IARS1: variants seen among roughly 807,000 people sequenced by gnomAD.
IARS1 encodes the protein isoleucyl-tRNA synthetase 1.
Under a neutral mutation model 168.2 loss-of-function variants are expected in IARS1, and 124 were observed. The observed-to-expected ratio is 0.74, with a 90% confidence interval of 0.64 to 0.86. IARS1 has a LOEUF of 0.86. Among genes scored for constraint, IARS1 ranks in the 40% least tolerant of loss-of-function variants. The pLI is 0.00. For missense variants in IARS1, 1,452 were observed against 1,515.8 expected (o/e 0.96, Z 0.70); for synonymous variants, 532 against 529.4 (o/e 1.00, Z -0.07).
At chr9:92,280,191 T>C (rs951913143) in intron 7 of IARS1, among the ~76,000 whole-genome samples, 12 of 152,222 alleles carry the variant, frequency 7.9e-5, no homozygotes, top group African/African-American at 2.7e-4. Flanking sequence ...GTCATCTCAT[T>C]CAGCTTTTTG....
intron 33 of IARS1, among the ~76,000 whole-genome samples, chr9:92,218,240 ACT>A (rs1208697032): frequency 1.2e-4 from 17 of 142,328 alleles, no homozygotes; most frequent in Admixed American, 2.9e-4. Flanking sequence ...CATGCTAAAA[ACT>A]CTCAATAAAT....
chr9:92,289,544 T>C, intron 1 of IARS1, 118 bp from the exon 2 acceptor site: 3 of 642,374 alleles, frequency 4.7e-6, no homozygotes, highest in Non-Finnish European at 2.8e-6. Context: ...TACAGCTTTA[T>C]TGATGTACAA....
chr9:92,229,175 A>T (rs1257361677), intron 30 of IARS1, 49 bp from the exon 31 acceptor site: 1 of 1,588,432 alleles, frequency 6.3e-7, no homozygotes, highest in Non-Finnish European at 8.6e-7. Context: ...AAAACTAAAA[A>T]GAAAATGTTA....
rs146666049 is a variant in IARS1, at chr9:92,286,586, G to A, written c.429C>T (p.Asp143=). Residue 143 remains aspartate (D), a synonymous_variant, in exon 5 of 34, where the codon GAC becomes GAT. Transcript: ENST00000443024. ...ACAGAGTTTTATAGTCATTGTCAAAGTCAATCCATCGGCCAAGTCTGCTAA... is the reference window on the plus strand; with the variant it reads ...ACAGAGTTTTATAGTCATTGTCAAAATCAATCCATCGGCCAAGTCTGCTAA... ...STVSRLGRWI[D]FDNDYKTLYP... 1.2e-3 allele frequency: 1,988 copies of A among 1,598,184 alleles called. 6 individuals carry two copies. Among genetic ancestry groups the A allele is most frequent in the Non-Finnish European group, 1.5e-3 (1,713 of 1,165,684 alleles).
In IARS1 at chr9:92,247,518, C is replaced by T; in HGVS notation, c.2650G>A (p.Asp884Asn). ...AGCCGAATGCCATACTTGTTTTTAT[C>T]TGTAGACAGTGTAACTTTTCGAACA... ...LNVRKVTLST[D>N]KNKYGIRLRA... The change falls in exon 26 of 34, where the codon GAT becomes AAT. Residue 884 changes from aspartate (D) to asparagine (N), a missense_variant. Coordinates refer to ENST00000443024, the MANE Select transcript of IARS1 (RefSeq NM_002161.6). 1 of 1,614,084 alleles carries T rather than the reference C, an allele frequency of 6.2e-7. No homozygotes were observed. The highest frequency in any genetic ancestry group is 8.5e-7 in the Non-Finnish European group (1 of 1,180,016).
At chr9:92,284,483 T>A (rs761254467) in intron 6 of IARS1, among the ~76,000 whole-genome samples, 6 of 152,192 alleles carry the variant, frequency 3.9e-5, no homozygotes, top group Non-Finnish European at 7.3e-5. Context: ...CACATTCAAG[T>A]GTTTTAAAAA....
intron 17 of IARS1, among the ~76,000 whole-genome samples, chr9:92,262,704 T>C (rs1310572426): frequency 2.6e-5 from 4 of 152,204 alleles, no homozygotes; most frequent in Non-Finnish European, 4.4e-5. Flanking sequence ...TAAGCAAAAG[T>C]ATTTCATAAA....
intron 16 of IARS1, among the ~76,000 whole-genome samples, chr9:92,264,374 A>G (rs1001516084): frequency 2.0e-5 from 3 of 151,952 alleles, no homozygotes; most frequent in Non-Finnish European, 4.4e-5. Flanking sequence ...CTGGGCCAGC[A>G]AAGCCAATCC....
At chr9:92,284,693 G>A (rs564080280) in intron 6 of IARS1, among the ~76,000 whole-genome samples, 2 of 151,850 alleles carry the variant, frequency 1.3e-5, no homozygotes, top group East Asian at 1.9e-4. Context: ...TGCTTGAATC[G>A]GGTAGGTGGA....
chr9:92,242,475 G>T (rs764351571), intron 28 of IARS1, 145 bp from the exon 29 acceptor site: 18 of 627,732 alleles, frequency 2.9e-5, no homozygotes, highest in Middle Eastern at 4.3e-4. Flanking sequence ...TGGGTGATCC[G>T]TAAGACTAAC....
intron 9 of IARS1, among the ~76,000 whole-genome samples, chr9:92,275,000 A>G (rs748882166): frequency 1.3e-5 from 2 of 152,226 alleles, no homozygotes; most frequent in African/African-American, 2.4e-5. Context: ...AGTAAGTTCT[A>G]CTTACAGGTA....
intron 8 of IARS1, 43 bp from the exon 9 acceptor site, chr9:92,277,966 AAT>A (rs762083398): frequency 5.1e-6 from 8 of 1,568,694 alleles, no homozygotes; most frequent in African/African-American, 1.4e-5. Flanking sequence ...ATTAAAATCA[AAT>A]ATGAGGCTGC....
chr9:92,280,502 A>G (rs997413873), intron 7 of IARS1, among the ~76,000 whole-genome samples: 1 of 152,198 alleles, frequency 6.6e-6, no homozygotes. Context: ...GGAAAAATGT[A>G]CTATAAACTG....
At chr9:92,292,725 CT>C (rs1213710306) in intron 1 of IARS1, 14 of 153,950 alleles carry the variant, frequency 9.1e-5, no homozygotes, top group Admixed American at 3.9e-4. Context: ...TCACCTTAAC[CT>C]CAACTTCCCG....
At chr9:92,270,931 G>T in intron 12 of IARS1, 54 bp downstream of exon 12, 1 of 1,226,896 alleles carries the variant, frequency 8.2e-7, no homozygotes, top group Non-Finnish European at 1.2e-6. Flanking sequence ...CATATAGTAA[G>T]TGTAAGCACA....
At chr9:92,217,182 A>G (rs1838857962) in intron 33 of IARS1, among the ~76,000 whole-genome samples, 3 of 152,040 alleles carry the variant, frequency 2.0e-5, no homozygotes, top group Admixed American at 2.0e-4. Flanking sequence ...TAATGGGTAC[A>G]TAACAAAATG....
intron 1 of IARS1, among the ~76,000 whole-genome samples, chr9:92,290,928 A>G (rs1487472574): frequency 2.0e-5 from 3 of 152,222 alleles, no homozygotes; most frequent in Non-Finnish European, 4.4e-5. Context: ...TAAAGCTAAA[A>G]AGATGAGAAT....
At chr9:92,232,642 G>T (rs548073997) in intron 30 of IARS1, among the ~76,000 whole-genome samples, 4 of 152,308 alleles carry the variant, frequency 2.6e-5, no homozygotes, top group South Asian at 4.1e-4. Context: ...GTCAACCTGG[G>T]TAAGTTCTGA....
At position 92,250,130 on chromosome 9, in the gene IARS1, C is replaced by T. The variant is rs1283913405; in HGVS notation, c.2532+57G>A. Reference sequence around the variant, plus strand: ...AAGCTCTCTATATTAAAAAAGCATTCCAAACACTTAATTAATTTAGGTCTG... The same window carrying T: ...AAGCTCTCTATATTAAAAAAGCATTTCAAACACTTAATTAATTTAGGTCTG... On this transcript the variant is annotated intron_variant, in intron 24 of 33. Transcript: ENST00000443024. The T allele has an allele frequency of 2.5e-6, 3 of 1,177,026 alleles. No homozygotes were observed. The Admixed American group carries it at 5.2e-5, about 20-fold the overall frequency. The allele number at this position is 1,177,026 out of a possible 1,614,324, so 72.9% of individuals were successfully genotyped here. A position where few individuals can be genotyped will look rare whatever the true frequency, so the allele number is the denominator to read the frequency against.
Sources: gnomAD v4.1 joint callset for allele counts (sites outside exome capture counted in the v4.1 genomes callset) on GRCh38, gnomAD v4.1.1 for gene constraint, MANE v1.5 for transcripts, NCBI Gene and HGNC (gene_info 2026-07-23, HGNC 2026-07-21) for gene names.